SLCO2B1: variants seen among roughly 807,000 people sequenced by gnomAD.
SLCO2B1 encodes OATP-RP2.
In SLCO2B1, 41 loss-of-function variants were observed where a neutral mutation model predicts 67.3. The ratio of observed to expected loss-of-function variants is 0.61; its 90% CI spans 0.47 to 0.79. The LOEUF (loss-of-function observed/expected upper bound fraction) is 0.79, where lower values mean the gene tolerates loss of function less well. Among genes scored for constraint, SLCO2B1 ranks in the 30% least tolerant of loss-of-function variants. The pLI, the probability that SLCO2B1 is intolerant of heterozygous loss-of-function variation, is 0.00. For missense variants in SLCO2B1, 837 were observed against 920.1 expected, an observed-to-expected ratio of 0.91 and a Z score of 1.17; for synonymous variants, 379 against 381.4, an observed-to-expected ratio of 0.99 and a Z score of 0.07.
chr11:75,182,142 G>T (rs1240674287), intron 7 of SLCO2B1, among the ~76,000 whole-genome samples: 3 of 152,096 alleles, frequency 2.0e-5, no homozygotes, highest in African/African-American at 7.2e-5. Context: ...CTTCAAATCT[G>T]CTCTCCCTTT....
At chr11:75,190,677 G>A (rs1408348011) in intron 8 of SLCO2B1, among the ~76,000 whole-genome samples, 1 of 152,184 alleles carries the variant, frequency 6.6e-6, no homozygotes, top group African/African-American at 2.4e-5. Flanking sequence ...GTTCCTGGGG[G>A]AGACATTGCC....
intron 13 of SLCO2B1, 68 bp from the exon 14 acceptor site, chr11:75,204,332 G>A: frequency 6.9e-7 from 1 of 1,450,398 alleles, no homozygotes; most frequent in Non-Finnish European, 9.3e-7. Flanking sequence ...CACAATGAGT[G>A]ATGACTGCTG....
chr11:75,166,024 G>C, intron 4 of SLCO2B1, 75 bp downstream of exon 4: 2 of 1,500,652 alleles, frequency 1.3e-6, no homozygotes, highest in South Asian at 2.5e-5. Flanking sequence ...CACCCCACAG[G>C]CATTCATCTG....
chr11:75,153,561 C>A (rs1337836058), intron 1 of SLCO2B1, among the ~76,000 whole-genome samples: 2 of 152,224 alleles, frequency 1.3e-5, no homozygotes, highest in Non-Finnish European at 2.9e-5. Flanking sequence ...CCTCTCCGTG[C>A]CATTGCCCTT....
intron 7 of SLCO2B1, among the ~76,000 whole-genome samples, chr11:75,173,387 C>A (rs764764381): frequency 2.2e-4 from 34 of 152,222 alleles, no homozygotes; most frequent in Non-Finnish European, 4.3e-4. Context: ...TAGAAATAAA[C>A]CTGGCCCTTT....
At chr11:75,199,999 C>T in intron 10 of SLCO2B1, 1 of 522,268 alleles carries the variant, frequency 1.9e-6, no homozygotes, top group East Asian at 3.2e-5. Flanking sequence ...TCTCCCTGCC[C>T]ACCACCTCAG....
intron 7 of SLCO2B1, among the ~76,000 whole-genome samples, chr11:75,186,212 ATT>A (rs761648712): frequency 1.5e-4 from 22 of 142,276 alleles, no homozygotes; most frequent in African/African-American, 4.9e-4. Context: ...CACCTGGCTG[ATT>A]TTTTTTTTTT....
At chr11:75,182,219 GTC>G (rs564162243) in intron 7 of SLCO2B1, among the ~76,000 whole-genome samples, 1 of 152,100 alleles carries the variant, frequency 6.6e-6, no homozygotes, top group Non-Finnish European at 1.5e-5. Context: ...GCCCCTGAAG[GTC>G]TGTCACTCCC....
In SLCO2B1 at chr11:75,198,756, G is replaced by A. The variant is rs143965091; in HGVS notation, c.1600-1468G>A. Among the ~76,000 whole-genome samples the A allele has an allele frequency of 3.5e-3, 533 of 152,308 alleles. 3 individuals carry two copies. Among genetic ancestry groups the A allele is most frequent in the African/African-American group, 0.012 (518 of 41,556 alleles). On this transcript the variant is annotated intron_variant, in intron 10 of 13. Coordinates refer to ENST00000289575, the MANE Select transcript of SLCO2B1 (RefSeq NM_007256.5). ...TTGGATTGTGAACATCTTGGCTCAG[G>A]GATGGGTGGCTCAGTGCCCAGCACA...
At chr11:75,196,241 T>C (rs907523904) in intron 9 of SLCO2B1, 1 of 374,644 alleles carries the variant, frequency 2.7e-6, no homozygotes, top group East Asian at 4.7e-5. Flanking sequence ...GAGGAATTTA[T>C]CTTGTATACC....
chr11:75,165,856 G>C lies in SLCO2B1; in HGVS notation c.355G>C (p.Gly119Arg), dbSNP rs762506817. 5 of 1,614,192 alleles carry C rather than the reference G, an allele frequency of 3.1e-6. No individual in the cohort carries two copies. Among genetic ancestry groups the C allele is most frequent in the Non-Finnish European group, 8.5e-7 (1 of 1,180,014 alleles). ...CCGGGTGCACCGACCCCGAATGATT[G>C]GCTATGGGGCTATCCTTGTGGCCCT... ...GSRVHRPRMI[G>R]YGAILVALAG... Residue 119 changes from glycine to arginine, a missense_variant, in exon 4 of 14, where the codon GGC becomes CGC. Gly to Arg is a moderately radical substitution (Grantham distance 125). Coordinates refer to ENST00000289575, the MANE Select transcript of SLCO2B1 (RefSeq NM_007256.5).
intron 7 of SLCO2B1, among the ~76,000 whole-genome samples, chr11:75,180,409 G>A (rs2140324725): frequency 6.6e-6 from 1 of 152,026 alleles, no homozygotes; most frequent in East Asian, 1.9e-4. Flanking sequence ...AACTTTTGGG[G>A]GAAACTCCAT....
At chr11:75,199,953 C>A in intron 10 of SLCO2B1, 1 of 444,634 alleles carries the variant, frequency 2.2e-6, no homozygotes, top group South Asian at 3.5e-5. Context: ...TCTCCTGGCT[C>A]CCTCCCTCTT....
At chr11:75,164,557 A>G (rs965884419) in intron 3 of SLCO2B1, among the ~76,000 whole-genome samples, 10 of 152,190 alleles carry the variant, frequency 6.6e-5, no homozygotes, top group African/African-American at 2.2e-4. Context: ...GGGGATTCAC[A>G]GGCCTGTGGG....
intron 3 of SLCO2B1, 29 bp from the exon 4 acceptor site, chr11:75,165,758 C>T (rs1949881645): frequency 6.2e-7 from 1 of 1,612,488 alleles, no homozygotes; most frequent in South Asian, 1.1e-5. Flanking sequence ...AACTGTTCCA[C>T]CTTAATGGGT....
chr11:75,183,089 T>C (rs190966087), intron 7 of SLCO2B1, among the ~76,000 whole-genome samples: 1 of 152,352 alleles, frequency 6.6e-6, no homozygotes, highest in Non-Finnish European at 1.5e-5. Context: ...AAAAGAAATG[T>C]TATATGAACC....
Position 75,204,584 on chromosome 11 carries a change from G to C in SLCO2B1, c.*4G>C, listed in dbSNP as rs1945242867. ...GCCAGAGGATTCCCGAGTGTGAGCT[G>C]TCTTGGGGCCCCACCTGGCCAAGAG... On this transcript the variant is annotated 3_prime_UTR_variant, in exon 14 of 14. Coordinates refer to ENST00000289575, the MANE Select transcript of SLCO2B1 (RefSeq NM_007256.5). 1 of 1,600,564 alleles carries C rather than the reference G, an allele frequency of 6.2e-7. No individual in the cohort carries two copies. Among genetic ancestry groups the C allele is most frequent in the Non-Finnish European group, 8.5e-7 (1 of 1,174,308 alleles).
At chr11:75,186,904 A>G (rs1237372349) in intron 7 of SLCO2B1, among the ~76,000 whole-genome samples, 1 of 152,182 alleles carries the variant, frequency 6.6e-6, no homozygotes, top group African/African-American at 2.4e-5. Flanking sequence ...CCCTTCCTTC[A>G]GGGTGTACCA....
rs566528585 is a variant in SLCO2B1, at chr11:75,164,194, C to T, written c.285+94C>T. 2.9e-6 allele frequency: 4 copies of T among 1,375,652 alleles called. No homozygotes were observed. The African/African-American group carries it at 4.3e-5, about 15-fold the overall frequency. 85.2% of individuals were successfully genotyped at this position (1,375,652 alleles called of 1,614,324 possible). ...CCCTCTCACTACCCTACCTTAAGGC[C>T]TTCCCCTCCCAGTGCCCTCAGGCAA... On this transcript the variant is annotated intron_variant, in intron 3 of 13. Coordinates refer to ENST00000289575, the MANE Select transcript of SLCO2B1 (RefSeq NM_007256.5).
Sources: allele counts gnomAD v4.1 joint callset (sites outside exome capture counted in the v4.1 genomes callset), GRCh38; gene constraint gnomAD v4.1.1; transcripts MANE v1.5; gene names NCBI Gene and HGNC (gene_info 2026-07-23, HGNC 2026-07-21).